CLDN16: variants seen among roughly 807,000 people sequenced by gnomAD.
CLDN16 encodes claudin 16.
A neutral mutation model predicts 24.6 loss-of-function variants in CLDN16; 13 were observed. That is an observed-to-expected ratio of 0.53 (90% CI 0.34 to 0.84). CLDN16 has a LOEUF of 0.84. Ranked by LOEUF, CLDN16 falls within the 40% of genes least tolerant of loss-of-function variation. The pLI, the probability that CLDN16 is intolerant of heterozygous loss-of-function variation, is 0.01. For synonymous variants in CLDN16, 116 were observed against 106.7 expected, an observed-to-expected ratio of 1.09 and a Z score of -0.54; for missense variants, 298 against 292.7, an observed-to-expected ratio of 1.02 and a Z score of -0.13.
chr3:190,366,647 A>G lies in CLDN16; in HGVS notation n.122-4246A>G, dbSNP rs890622750. On this transcript the variant is annotated intron_variant and non_coding_transcript_variant, in intron 1 of 4. Coordinates refer to the CLDN16 transcript ENST00000468220. ...ACAAAAACACCTTGGCCAATCCCCC[A>G]TGGAGCTCTGTGTTTGGGATGACCC... is the stretch of plus-strand genomic sequence containing the variant. Among the ~76,000 whole-genome samples the G allele has an allele frequency of 2.6e-5, 4 of 151,900 alleles. No homozygotes were observed. In the South Asian group the frequency reaches 8.3e-4, roughly 31 times the overall value.
At chr3:190,338,719 C>T (rs1257668129) in intron 1 of CLDN16, among the ~76,000 whole-genome samples, 1 of 152,208 alleles carries the variant, frequency 6.6e-6, no homozygotes, top group Non-Finnish European at 1.5e-5. Context: ...ATTCATCCTA[C>T]AAATGCTCCT....
chr3:190,405,428 GAAAAAA>G (rs542527344), intron 3 of CLDN16, among the ~76,000 whole-genome samples: 280 of 81,150 alleles, frequency 3.5e-3, no homozygotes, highest in Admixed American at 5.5e-3. Context: ...CCGTCTCACG[GAAAAAA>G]AAAAAAAAAA....
intron 1 of CLDN16, among the ~76,000 whole-genome samples, chr3:190,395,209 A>G (rs937898782): frequency 3.3e-5 from 5 of 152,046 alleles, no homozygotes; most frequent in African/African-American, 7.2e-5. Flanking sequence ...ACAAAATTTT[A>G]TTTTTCTACT....
chr3:190,329,952 G>T (rs1165994814), intron 1 of CLDN16, among the ~76,000 whole-genome samples: 1 of 151,998 alleles, frequency 6.6e-6, no homozygotes, highest in South Asian at 2.1e-4. Context: ...AAAGTATGAT[G>T]GGGTTGGATT....
chr3:190,292,748 T>C, the CLDN16 span, among the ~76,000 whole-genome samples: 1 of 152,216 alleles, frequency 6.6e-6, no homozygotes, highest in East Asian at 1.9e-4. Context: ...CACCAGTCTC[T>C]TTGCTAAAGC....
the CLDN16 span, chr3:190,312,976 A>G: frequency 6.2e-7 from 1 of 1,614,158 alleles, no homozygotes; most frequent in East Asian, 2.2e-5. Context: ...GGCCACAAAG[A>G]TTGCTATCAC....
chr3:190,313,295 A>T, the CLDN16 span: 2 of 471,524 alleles, frequency 4.2e-6, no homozygotes, highest in Non-Finnish European at 7.7e-6. Context: ...TTCAAAATCA[A>T]CTGGAAAATT....
At chr3:190,333,203 TA>T (rs1336899029) in intron 1 of CLDN16, among the ~76,000 whole-genome samples, 1 of 152,170 alleles carries the variant, frequency 6.6e-6, no homozygotes, top group East Asian at 1.9e-4. Flanking sequence ...ATTTTCTCAA[TA>T]AAATTAGGTA....
At chr3:190,295,162 T>C in the CLDN16 span, among the ~76,000 whole-genome samples, 1 of 152,184 alleles carries the variant, frequency 6.6e-6, no homozygotes, top group Non-Finnish European at 1.5e-5. Flanking sequence ...CCAAGCAAGA[T>C]ACTTTCTCAT....
intron 1 of CLDN16, among the ~76,000 whole-genome samples, chr3:190,390,185 CCTT>C (rs1430333807): frequency 6.6e-6 from 1 of 152,188 alleles, no homozygotes; most frequent in African/African-American, 2.4e-5. Context: ...TTCTTAGCTT[CCTT>C]CTTATTTCCC....
intron 1 of CLDN16, among the ~76,000 whole-genome samples, chr3:190,350,365 T>TATATATATATATATATATATAC (rs1318369050): frequency 6.7e-6 from 1 of 148,614 alleles, no homozygotes; most frequent in Non-Finnish European, 1.5e-5. Context: ...TATATATATA[T>TATATATATATATATATATATAC]ACTTTATTAT....
chr3:190,295,944 T>C, the CLDN16 span, among the ~76,000 whole-genome samples: 87,762 of 151,944 alleles, frequency 0.58, 26,031 homozygotes, highest in African/African-American at 0.71. Context: ...TTCATAGTTA[T>C]GTTCATTTGA....
chr3:190,401,883 A>G (rs1201212296), intron 1 of CLDN16, among the ~76,000 whole-genome samples: 2 of 151,982 alleles, frequency 1.3e-5, no homozygotes, highest in Non-Finnish European at 2.9e-5. Flanking sequence ...CATGGAACTC[A>G]GTATTCGTGA....
intron 1 of CLDN16, among the ~76,000 whole-genome samples, chr3:190,328,568 A>T (rs911542014): frequency 2.6e-5 from 4 of 152,112 alleles, no homozygotes; most frequent in Non-Finnish European, 5.9e-5. Context: ...CTGGGTAAGT[A>T]TTCCATTAGC....
At chr3:190,356,720 A>G (rs772495872) in intron 1 of CLDN16, among the ~76,000 whole-genome samples, 1 of 151,948 alleles carries the variant, frequency 6.6e-6, no homozygotes, top group African/African-American at 2.4e-5. Flanking sequence ...CCCTTATACC[A>G]TAATGTCCTA....
intron 1 of CLDN16, among the ~76,000 whole-genome samples, chr3:190,362,554 C>G (rs1717913049): frequency 6.6e-6 from 1 of 151,976 alleles, no homozygotes; most frequent in South Asian, 2.1e-4. Flanking sequence ...AGAGCTGGCT[C>G]TGTTTGAATT....
rs192457476 is a variant in CLDN16, at chr3:190,360,179, G to A, written n.122-10714G>A. ...CCAAAGAAATACAACAAACAGTAGA[G>A]GTCTAGTCCAAGGCAGAAGATATAC... is the stretch of plus-strand genomic sequence containing the variant. On this transcript the variant is annotated intron_variant and non_coding_transcript_variant, in intron 1 of 4. Coordinates refer to the CLDN16 transcript ENST00000468220. Among the ~76,000 whole-genome samples, 75 of 152,102 alleles carry A rather than the reference G, an allele frequency of 4.9e-4. 1 individual carries two copies. Among genetic ancestry groups the A allele is most frequent in the African/African-American group, 1.7e-3 (72 of 41,550 alleles).
intron 1 of CLDN16, among the ~76,000 whole-genome samples, chr3:190,353,420 G>T (rs1478155382): frequency 6.6e-6 from 1 of 151,858 alleles, no homozygotes; most frequent in African/African-American, 2.4e-5. Context: ...AAGTCATTTG[G>T]TCACCCAATC....
At chr3:190,346,713 C>G (rs1717557588) in intron 1 of CLDN16, among the ~76,000 whole-genome samples, 1 of 152,094 alleles carries the variant, frequency 6.6e-6, no homozygotes, top group South Asian at 2.1e-4. Context: ...GGGAAGTATC[C>G]TTCCCTGCCT....
Sources: gnomAD v4.1 joint callset for allele counts (sites outside exome capture counted in the v4.1 genomes callset) on GRCh38, gnomAD v4.1.1 for gene constraint, MANE v1.5 for transcripts, NCBI Gene and HGNC (gene_info 2026-07-23, HGNC 2026-07-21) for gene names.